Variants in PPFIBP1 observed in about 807,000 individuals in gnomAD.
PPFIBP1 encodes liprin-beta-1.
In PPFIBP1, 112 loss-of-function variants were observed where a neutral mutation model predicts 137.8. The ratio of observed to expected loss-of-function variants is 0.81; its 90% CI spans 0.70 to 0.95. The LOEUF (loss-of-function observed/expected upper bound fraction) is 0.95, where lower values mean the gene tolerates loss of function less well. Ranked by LOEUF, PPFIBP1 falls within the 40% of genes least tolerant of loss-of-function variation. PPFIBP1 has a pLI of 0.00. For missense variants in PPFIBP1, 1,083 were observed against 1,196.6 expected (o/e 0.91, Z 1.40); for synonymous variants, 378 against 417.3 (o/e 0.91, Z 1.15).
intron 14 of PPFIBP1, among the ~76,000 whole-genome samples, chr12:27,671,801 G>A (rs976715343): frequency 3.9e-5 from 6 of 152,246 alleles, no homozygotes; most frequent in African/African-American, 1.4e-4. Context: ...GCCAAGTGTG[G>A]TGGCTCACGC....
chr12:27,644,185 C>G lies in PPFIBP1; in HGVS notation c.271-1877C>G, dbSNP rs148066227. Among the ~76,000 whole-genome samples the G allele has an allele frequency of 8.6e-5, 13 of 151,584 alleles. No homozygotes were observed. In the East Asian group the frequency reaches 2.3e-3, roughly 27 times the overall value. ...TCCACCTCCTGGGCTCAAGTGATCC[C>G]CCTCCCTCAGTCTCCAGAGTAACTA... is the stretch of plus-strand genomic sequence containing the variant. On this transcript the variant is annotated intron_variant, in intron 4 of 29. Coordinates refer to ENST00000228425, the MANE Select transcript of PPFIBP1 (RefSeq NM_003622.4).
intron 24 of PPFIBP1, among the ~76,000 whole-genome samples, 172 bp from the exon 25 acceptor site, chr12:27,687,211 CTG>C (rs2061256483): frequency 1.3e-5 from 2 of 152,244 alleles, no homozygotes; most frequent in South Asian, 4.2e-4. Flanking sequence ...AAATACTAAT[CTG>C]GGGTTTGGGG....
At chr12:27,625,580 G>GT (rs35985658) in intron 2 of PPFIBP1, among the ~76,000 whole-genome samples, 6,074 of 136,148 alleles carry the variant, frequency 0.045, 408 homozygotes, top group Admixed American at 0.17. Flanking sequence ...GTTTTTTACA[G>GT]TTTTTTTTTT....
intron 2 of PPFIBP1, chr12:27,599,314 A>G (rs1268727755): frequency 3.1e-6 from 1 of 327,624 alleles, no homozygotes; most frequent in Non-Finnish European, 6.1e-6. Context: ...TGAGTAAAGG[A>G]GATTTTGCAC....
intron 2 of PPFIBP1, among the ~76,000 whole-genome samples, chr12:27,623,314 C>T (rs1238032435): frequency 6.6e-6 from 1 of 152,106 alleles, no homozygotes; most frequent in Non-Finnish European, 1.5e-5. Context: ...ATTTGATTCG[C>T]CTACATCTCA....
intron 2 of PPFIBP1, among the ~76,000 whole-genome samples, chr12:27,621,701 T>C (rs2056357568): frequency 6.6e-6 from 1 of 152,102 alleles, no homozygotes; most frequent in Non-Finnish European, 1.5e-5. Flanking sequence ...CCAACAGAAA[T>C]TACCTACAAG....
intron 13 of PPFIBP1, among the ~76,000 whole-genome samples, chr12:27,671,018 T>C (rs1370762496): frequency 6.6e-6 from 1 of 151,882 alleles, no homozygotes; most frequent in East Asian, 1.9e-4. Flanking sequence ...GATTTATTAT[T>C]ACTAGCTGGG....
At chr12:27,589,808 G>A (rs984345901) in intron 2 of PPFIBP1, among the ~76,000 whole-genome samples, 1 of 152,134 alleles carries the variant, frequency 6.6e-6, no homozygotes, top group Non-Finnish European at 1.5e-5. Context: ...AGTAAGATAT[G>A]TCATCTTTCT....
In PPFIBP1 at chr12:27,633,835, C is replaced by CTTTT. The variant is rs56705005; in HGVS notation, c.64+392_64+395dup. The stretch of plus-strand genomic sequence containing the variant: ...CACTTTCCACCAATGACTCCCGTAT[C>CTTTT]TTTTTTTTTTTTTTTTTTTTGAGAT... On this transcript the variant is annotated intron_variant, in intron 3 of 29. Coordinates refer to ENST00000228425, the MANE Select transcript of PPFIBP1 (RefSeq NM_003622.4). Among the ~76,000 whole-genome samples, 1,110 of 112,962 alleles carry CTTTT rather than the reference C, an allele frequency of 9.8e-3. 35 individuals carry two copies. The highest frequency in any genetic ancestry group is 0.029 in the African/African-American group (891 of 30,616). The allele number at this position is 112,962 out of a possible 152,430, so 74.1% of individuals were successfully genotyped here. A position where few individuals can be genotyped will look rare whatever the true frequency, so the allele number is the denominator to read the frequency against.
intron 24 of PPFIBP1, among the ~76,000 whole-genome samples, chr12:27,686,133 T>C (rs74077241): frequency 0.049 from 7,395 of 152,260 alleles, 585 homozygotes; most frequent in African/African-American, 0.17. Context: ...TAACATGTCT[T>C]AAGACACTAC....
chr12:27,593,543 T>C (rs1374980829), intron 2 of PPFIBP1: 11 of 377,322 alleles, frequency 2.9e-5, no homozygotes, highest in Non-Finnish European at 4.6e-5. Context: ...GGAGGGGAGC[T>C]GCCGTACAGC....
At chr12:27,602,171 G>T (rs1565851944) in intron 2 of PPFIBP1, among the ~76,000 whole-genome samples, 1 of 152,188 alleles carries the variant, frequency 6.6e-6, no homozygotes, top group Non-Finnish European at 1.5e-5. Context: ...TCAGGATTGG[G>T]CTAACTTTCT....
chr12:27,557,057 A>G (rs1166506332), intron 1 of PPFIBP1, among the ~76,000 whole-genome samples: 1 of 151,760 alleles, frequency 6.6e-6, no homozygotes, highest in African/African-American at 2.4e-5. Flanking sequence ...GAGTCTTTTT[A>G]TTTGAAAATC....
At chr12:27,566,834 C>T (rs909172214) in intron 1 of PPFIBP1, among the ~76,000 whole-genome samples, 2 of 152,262 alleles carry the variant, frequency 1.3e-5, no homozygotes, top group African/African-American at 4.8e-5. Context: ...CAGAGCCCAT[C>T]CTACTAACCG....
chr12:27,603,798 T>C (rs756171686), intron 2 of PPFIBP1, among the ~76,000 whole-genome samples: 1 of 152,174 alleles, frequency 6.6e-6, no homozygotes, highest in African/African-American at 2.4e-5. Flanking sequence ...TTTGGTGAAA[T>C]GAGTGTCATC....
At chr12:27,653,817 A>C (rs1488667916) in intron 7 of PPFIBP1, among the ~76,000 whole-genome samples, 6 of 152,188 alleles carry the variant, frequency 3.9e-5, no homozygotes, top group Non-Finnish European at 5.9e-5. Flanking sequence ...ACTAAAATAA[A>C]GTGGCAGTAG....
chr12:27,665,220 A>T (rs1048415833), intron 12 of PPFIBP1, among the ~76,000 whole-genome samples: 1 of 152,106 alleles, frequency 6.6e-6, no homozygotes, highest in African/African-American at 2.4e-5. Flanking sequence ...CCTTTGTAAC[A>T]CGTGGGCCAT....
At chr12:27,594,096 G>GA in intron 2 of PPFIBP1, 1 of 1,083,274 alleles carries the variant, frequency 9.2e-7, no homozygotes, top group Non-Finnish European at 1.2e-6. Flanking sequence ...AAGAAAAGAA[G>GA]AAAAAAGAAA....
intron 1 of PPFIBP1, among the ~76,000 whole-genome samples, chr12:27,559,591 CTT>C (rs2048995269): frequency 2.0e-5 from 3 of 152,184 alleles, no homozygotes; most frequent in Admixed American, 2.0e-4. Context: ...AAGATTTTCT[CTT>C]GTTTCCTAAG....
Sources: allele counts gnomAD v4.1 joint callset (sites outside exome capture counted in the v4.1 genomes callset), GRCh38; gene constraint gnomAD v4.1.1; transcripts MANE v1.5; gene names NCBI Gene and HGNC (gene_info 2026-07-23, HGNC 2026-07-21).